RANBP17: variants seen among roughly 807,000 people sequenced by gnomAD.
RANBP17 encodes the protein RAN binding protein 17.
In RANBP17, 158 loss-of-function variants were observed where a neutral mutation model predicts 141.2. That is an observed-to-expected ratio of 1.12 (90% CI 0.98 to 1.28). The LOEUF is 1.28. Ranked by LOEUF, RANBP17 falls within the 50% of genes most tolerant of loss-of-function variation. The probability of loss-of-function intolerance (pLI) is 0.00; values close to 1 mark genes in which losing one functional copy is unlikely to be tolerated. For missense variants in RANBP17, 1,438 were observed against 1,290.7 expected, an observed-to-expected ratio of 1.11 and a Z score of -1.75; for synonymous variants, 430 against 450.0, an observed-to-expected ratio of 0.96 and a Z score of 0.56.
intron 25 of RANBP17, among the ~76,000 whole-genome samples, chr5:171,277,379 G>A (rs1164682208): frequency 1.3e-5 from 2 of 151,588 alleles, no homozygotes; most frequent in Non-Finnish European, 2.9e-5. Flanking sequence ...AGAAAATAAT[G>A]ATTCAGTAAT....
chr5:171,041,771 G>A (rs1782263477), intron 14 of RANBP17, among the ~76,000 whole-genome samples: 1 of 152,000 alleles, frequency 6.6e-6, no homozygotes, highest in Admixed American at 6.6e-5. Flanking sequence ...TGGGATACAT[G>A]TGCAAGATGT....
Position 170,933,636 on chromosome 5 carries a change from A to G in RANBP17, c.1468+9086A>G, listed in dbSNP as rs577783937. Among the ~76,000 whole-genome samples the G allele has an allele frequency of 3.9e-3, 600 of 152,336 alleles. 8 individuals carry two copies. The highest frequency in any genetic ancestry group is 0.014 in the Middle Eastern group (4 of 294). On this transcript the variant is annotated intron_variant, in intron 12 of 27. Coordinates refer to ENST00000523189, the MANE Select transcript of RANBP17 (RefSeq NM_022897.5). ...GTGTCTTTGTTCTCATTGGTTTCAA[A>G]GAACATCTTTATTTCTGCCTTGATT...
At chr5:171,112,629 G>C (rs2127761424) in intron 14 of RANBP17, among the ~76,000 whole-genome samples, 1 of 151,912 alleles carries the variant, frequency 6.6e-6, no homozygotes, top group Admixed American at 6.6e-5. Context: ...CAGAACAAGA[G>C]GTGATTTTGT....
intron 5 of RANBP17, among the ~76,000 whole-genome samples, chr5:170,898,038 C>T (rs1160127348): frequency 2.6e-5 from 4 of 152,148 alleles, no homozygotes; most frequent in African/African-American, 7.2e-5. Context: ...AATGTAAAAG[C>T]GTTCCTATTT....
intron 24 of RANBP17, chr5:171,253,033 G>A: frequency 9.4e-7 from 1 of 1,060,722 alleles, no homozygotes. Flanking sequence ...TTTCTTCTCT[G>A]GTTATTTTGG....
intron 1 of RANBP17, among the ~76,000 whole-genome samples, chr5:170,877,238 C>G (rs1183313703): frequency 6.6e-6 from 1 of 151,946 alleles, no homozygotes; most frequent in African/African-American, 2.4e-5. Flanking sequence ...GTTGTTGGTT[C>G]AGAAGCCCGA....
chr5:170,880,402 T>C (rs1768558986), intron 2 of RANBP17, among the ~76,000 whole-genome samples: 1 of 152,220 alleles, frequency 6.6e-6, no homozygotes, highest in African/African-American at 2.4e-5. Flanking sequence ...ACTAGTAATC[T>C]TATTTTCTCT....
Position 170,896,112 on chromosome 5 carries a change from C to A in RANBP17, c.486C>A (p.Asn162Lys), listed in dbSNP as rs369464917. The change falls in exon 5 of 28, where the codon AAC becomes AAA. Residue 162 changes from asparagine (N) to lysine (K), a missense_variant. Asn to Lys is a moderately conservative substitution (Grantham distance 94). Transcript: ENST00000523189. ...IILSELTQEM[N>K]LVDYSRPSAK... ...TTTCTGAATTGACTCAGGAAATGAA[C>A]CTGGTAAGCGAGCCTTTCCATCTAA... 1.9e-6 allele frequency: 3 copies of A among 1,602,820 alleles called. No homozygotes were observed. Among genetic ancestry groups the A allele is most frequent in the Non-Finnish European group, 2.6e-6 (3 of 1,172,700 alleles).
chr5:171,202,565 A>G lies in RANBP17; in HGVS notation c.2142+2792A>G, dbSNP rs1215516229. ...CAAATGTTGCAAACAGCACTTTAAC[A>G]GAATGATTTTGCTTTGATCCCTGTA... On this transcript the variant is annotated intron_variant, in intron 19 of 27. Transcript: ENST00000523189. 4.6e-5 allele frequency among the ~76,000 whole-genome samples: 7 copies of G among 152,326 alleles called. No individual in the cohort carries two copies. In the South Asian group the frequency reaches 1.2e-3, roughly 27 times the overall value.
chr5:171,107,802 A>G (rs1351800636), intron 14 of RANBP17, among the ~76,000 whole-genome samples: 1 of 152,248 alleles, frequency 6.6e-6, no homozygotes, highest in East Asian at 1.9e-4. Flanking sequence ...ACCTTCTAGG[A>G]TATAAACTGT....
At chr5:171,038,572 C>T (rs928940878) in intron 14 of RANBP17, among the ~76,000 whole-genome samples, 1 of 151,974 alleles carries the variant, frequency 6.6e-6, no homozygotes, top group African/African-American at 2.4e-5. Context: ...TGTATCATGT[C>T]GGGTATGGGT....
intron 14 of RANBP17, among the ~76,000 whole-genome samples, chr5:171,125,308 A>AAG (rs1321733935): frequency 6.6e-6 from 1 of 150,866 alleles, no homozygotes; most frequent in Non-Finnish European, 1.5e-5. Flanking sequence ...AAAAAAAAAA[A>AAG]AAAAAAAGAA....
intron 14 of RANBP17, among the ~76,000 whole-genome samples, chr5:171,094,659 C>G (rs183077000): frequency 1.5e-4 from 23 of 152,260 alleles, no homozygotes; most frequent in African/African-American, 5.5e-4. Flanking sequence ...AACATTACTT[C>G]TGATCTTTCA....
chr5:171,245,990 T>C (rs1290130788), intron 24 of RANBP17, among the ~76,000 whole-genome samples: 4 of 151,774 alleles, frequency 2.6e-5, no homozygotes, highest in African/African-American at 7.3e-5. Flanking sequence ...ACAATTCTTC[T>C]ACCTCAGCCT....
chr5:171,273,701 C>T (rs891112822), intron 25 of RANBP17, among the ~76,000 whole-genome samples: 3 of 152,172 alleles, frequency 2.0e-5, no homozygotes, highest in Non-Finnish European at 2.9e-5. Context: ...CTGTAGTATA[C>T]AATCTTAAGG....
At chr5:170,976,581 C>T (rs1054361878) in intron 14 of RANBP17, among the ~76,000 whole-genome samples, 1 of 152,104 alleles carries the variant, frequency 6.6e-6, no homozygotes, top group African/African-American at 2.4e-5. Flanking sequence ...AATTTCAAAA[C>T]TTGCTACAAA....
chr5:171,080,556 A>T (rs949169136), intron 14 of RANBP17, among the ~76,000 whole-genome samples: 1 of 152,230 alleles, frequency 6.6e-6, no homozygotes, highest in African/African-American at 2.4e-5. Context: ...CAAGAGGATC[A>T]TGTGAGGTTT....
intron 24 of RANBP17, among the ~76,000 whole-genome samples, chr5:171,264,727 G>A (rs572859725): frequency 1.6e-4 from 24 of 152,218 alleles, no homozygotes; most frequent in South Asian, 2.1e-4. Flanking sequence ...GTGAAAAAAC[G>A]TGAAGTAGCT....
chr5:170,891,051 A>G (rs1399136027), intron 3 of RANBP17, among the ~76,000 whole-genome samples: 1 of 152,180 alleles, frequency 6.6e-6, no homozygotes, highest in Non-Finnish European at 1.5e-5. Context: ...CTACCTCAAG[A>G]AGACAGTGTA....
Sources: allele counts gnomAD v4.1 joint callset (sites outside exome capture counted in the v4.1 genomes callset), GRCh38; gene constraint gnomAD v4.1.1; transcripts MANE v1.5; gene names NCBI Gene and HGNC (gene_info 2026-07-23, HGNC 2026-07-21).